The following EFCAB8 variants were observed in gnomAD, a reference collection of about 807,000 sequenced individuals.
EFCAB8 encodes the protein EF-hand calcium binding domain 8.
A neutral mutation model predicts 116.3 loss-of-function variants in EFCAB8; 100 were observed. The observed-to-expected ratio is 0.86, with a 90% CI of 0.73 to 1.02. The LOEUF (loss-of-function observed/expected upper bound fraction) is 1.02, where lower values mean the gene tolerates loss of function less well. Ranked by LOEUF, EFCAB8 falls within the 50% of genes least tolerant of loss-of-function variation. The pLI, the probability that EFCAB8 is intolerant of heterozygous loss-of-function variation, is 0.00. For synonymous variants in EFCAB8, 558 were observed against 567.9 expected (o/e 0.98, Z 0.25); for missense variants, 1,320 against 1,416.9 (o/e 0.93, Z 1.10).
At chr20:32,867,179 C>T (rs1255374604) in intron 2 of EFCAB8, among the ~76,000 whole-genome samples, 2 of 152,202 alleles carry the variant, frequency 1.3e-5, no homozygotes, top group Non-Finnish European at 2.9e-5. Flanking sequence ...CTCGGCCTCC[C>T]GAAGTGCTGG....
chr20:32,898,524 A>G lies in EFCAB8; in HGVS notation c.989A>G (p.Lys330Arg), dbSNP rs1269868710. ...ALHPNWCEQVKFIPQMNVVVS... is the reference protein window; with the variant it reads ...ALHPNWCEQVRFIPQMNVVVS... ...CATCCCAACTGGTGTGAGCAGGTCA[A>G]GTTCATCCCCCAGATGAATGTGGTA... Residue 330 changes from lysine (K) to arginine (R), a missense_variant, in exon 11 of 27, where the codon AAG becomes AGG. Coordinates refer to ENST00000400522, the MANE Select transcript of EFCAB8 (RefSeq NM_001143967.2). 2 of 718,488 alleles carry G rather than the reference A, an allele frequency of 2.8e-6. No individual in the cohort carries two copies. The highest frequency in any genetic ancestry group is 5.2e-6 in the Non-Finnish European group (2 of 385,100). 44.5% of individuals were successfully genotyped at this position (718,488 alleles called of 1,614,324 possible).
chr20:32,891,870 C>G (rs1016267448), intron 7 of EFCAB8, among the ~76,000 whole-genome samples: 1 of 151,924 alleles, frequency 6.6e-6, no homozygotes, highest in Non-Finnish European at 1.5e-5. Context: ...GCTCTGTCAC[C>G]CAGGCTGTAG....
chr20:32,960,189 G>A, intron 26 of EFCAB8, 28 bp downstream of exon 26: 1 of 1,548,154 alleles, frequency 6.5e-7, no homozygotes, highest in Non-Finnish European at 8.7e-7. Flanking sequence ...AGCTCCCCAA[G>A]AGGCTGGGTC....
chr20:32,905,949 C>A lies in EFCAB8; in HGVS notation c.1089-613C>A, dbSNP rs534616171. ...GGGTAGCATGTCCTAAACCCCATAA[C>A]CCCCATTGTTTGCAACCTGTGTGAC... is the stretch of plus-strand genomic sequence containing the variant. On this transcript the variant is annotated intron_variant, in intron 11 of 26. Transcript: ENST00000400522. Among the ~76,000 whole-genome samples the A allele has an allele frequency of 3.4e-3, 513 of 152,096 alleles. 5 individuals are homozygous for A. The highest frequency in any genetic ancestry group is 4.4e-3 in the Non-Finnish European group (298 of 67,980).
At chr20:32,867,778 G>T (rs1984500203) in intron 3 of EFCAB8, 31 bp downstream of exon 3, 2 of 1,546,182 alleles carry the variant, frequency 1.3e-6, no homozygotes, top group Non-Finnish European at 1.7e-6. Flanking sequence ...CGGTTTTTGT[G>T]TGAGTTCTGC....
chr20:32,877,271 C>T (rs1053218979), intron 4 of EFCAB8, among the ~76,000 whole-genome samples: 1 of 136,218 alleles, frequency 7.3e-6, no homozygotes, highest in African/African-American at 2.6e-5. Flanking sequence ...TGCAATGGCA[C>T]GATCTTGGCT....
intron 2 of EFCAB8, 61 bp from the exon 3 acceptor site, chr20:32,867,520 GA>G: frequency 6.6e-7 from 1 of 1,512,420 alleles, no homozygotes; most frequent in East Asian, 2.5e-5. Flanking sequence ...ATCATGTGCT[GA>G]AAATGTTTGG....
Position 32,921,361 on chromosome 20 carries a change from TTGTG to T in EFCAB8, c.2412+1174_2412+1177del, listed in dbSNP as rs71858676. ...GCATGCTCCATTATGCCCAGCTATT[TTGTG>T]TGTGTGTGTGTGTGTGTGTGTGTGT... On this transcript the variant is annotated intron_variant, in intron 20 of 26. Coordinates refer to ENST00000400522, the MANE Select transcript of EFCAB8 (RefSeq NM_001143967.2). Among the ~76,000 whole-genome samples, 560 of 129,258 alleles carry T rather than the reference TTGTG, an allele frequency of 4.3e-3. 2 individuals carry two copies. Among genetic ancestry groups the T allele is most frequent in the African/African-American group, 0.016 (443 of 27,966 alleles). The allele number at this position is 129,258 out of a possible 152,430, so 84.8% of individuals were successfully genotyped here. A position where few individuals can be genotyped will look rare whatever the true frequency, so the allele number is the denominator to read the frequency against.
intron 20 of EFCAB8, among the ~76,000 whole-genome samples, chr20:32,925,247 T>G (rs969157393): frequency 2.6e-5 from 4 of 152,010 alleles, no homozygotes; most frequent in African/African-American, 9.7e-5. Flanking sequence ...TGAGATGGAG[T>G]CTCACTCTGT....
At chr20:32,863,719 A>C (rs1984244730) in intron 1 of EFCAB8, 64 bp from the exon 2 acceptor site, 1 of 1,501,590 alleles carries the variant, frequency 6.7e-7, no homozygotes, top group African/African-American at 1.4e-5. Context: ...GACCTGGCTA[A>C]GTCAGCCTTC....
intron 5 of EFCAB8, among the ~76,000 whole-genome samples, chr20:32,883,492 T>C (rs1185506473): frequency 6.6e-6 from 1 of 152,140 alleles, no homozygotes; most frequent in East Asian, 1.9e-4. Flanking sequence ...GCATGTCCAG[T>C]TCATATAGCT....
intron 3 of EFCAB8, among the ~76,000 whole-genome samples, chr20:32,868,604 G>A (rs934150932): frequency 3.9e-5 from 6 of 152,166 alleles, no homozygotes; most frequent in African/African-American, 7.2e-5. Flanking sequence ...ACCAATGCAC[G>A]TTTATCACCT....
intron 9 of EFCAB8, among the ~76,000 whole-genome samples, chr20:32,895,608 A>T (rs6058945): frequency 7.0e-6 from 1 of 143,770 alleles, no homozygotes. Context: ...GTCTTGCTCT[A>T]TTGCCCAGGC....
At chr20:32,889,874 C>T (rs1292123523) in intron 7 of EFCAB8, among the ~76,000 whole-genome samples, 8 of 152,018 alleles carry the variant, frequency 5.3e-5, no homozygotes, top group African/African-American at 1.9e-4. Flanking sequence ...TGGTGGCACA[C>T]GCCTGTAATC....
intron 22 of EFCAB8, among the ~76,000 whole-genome samples, chr20:32,935,188 C>CTTCTTTTTTTTTTTTTTTTTT (rs1425422102): frequency 1.5e-5 from 1 of 66,930 alleles, no homozygotes; most frequent in Non-Finnish European, 2.7e-5. Flanking sequence ...TTCTTTCTTT[C>CTTCTTTTTTTTTTTTTTTTTT]TTTCTTTTTT....
rs1311044129 is a variant in EFCAB8 at position 32,940,800 on chromosome 20, A to AT, written c.2791-2835dup. Among the ~76,000 whole-genome samples, 4 of 150,156 alleles carry AT rather than the reference A, an allele frequency of 2.7e-5. No homozygotes were observed. The East Asian group carries it at 7.8e-4, about 29-fold the overall frequency. Reference sequence around the variant, plus strand: ...TTCAAAGAAGATGTACAAATGGCTAATAAGTATATTAAATGATGGTGAACA... The same window carrying AT: ...TTCAAAGAAGATGTACAAATGGCTAATTAAGTATATTAAATGATGGTGAACA... On this transcript the variant is annotated intron_variant, in intron 22 of 26. Transcript: ENST00000400522.
At chr20:32,921,022 G>A (rs1007872325) in intron 20 of EFCAB8, among the ~76,000 whole-genome samples, 2 of 152,030 alleles carry the variant, frequency 1.3e-5, no homozygotes, top group African/African-American at 2.4e-5. Context: ...CTGACTCCCC[G>A]TCCTGAAAAT....
chr20:32,874,011 C>T (rs772575366), intron 3 of EFCAB8, among the ~76,000 whole-genome samples: 1 of 151,948 alleles, frequency 6.6e-6, no homozygotes, highest in Admixed American at 6.5e-5. Context: ...ACCTCCGCCT[C>T]TCAGGCTCAA....
intron 17 of EFCAB8, among the ~76,000 whole-genome samples, chr20:32,916,789 A>G (rs1351751014): frequency 6.6e-6 from 1 of 152,074 alleles, no homozygotes; most frequent in Non-Finnish European, 1.5e-5. Context: ...AAAAAAAAGT[A>G]GGAGTTTCTA....
Sources: allele counts gnomAD v4.1 joint callset (sites outside exome capture counted in the v4.1 genomes callset), GRCh38; gene constraint gnomAD v4.1.1; transcripts MANE v1.5; gene names NCBI Gene and HGNC (gene_info 2026-07-23, HGNC 2026-07-21).